The following DOT1L variants were observed in gnomAD, a reference collection of about 807,000 sequenced individuals.
The protein encoded by DOT1L is histone-lysine N-methyltransferase, H3 lysine-79 specific.
In DOT1L, 33 loss-of-function variants were observed where a neutral mutation model predicts 153.3. The ratio of observed to expected loss-of-function variants is 0.22; its 90% CI spans 0.16 to 0.29. The LOEUF (loss-of-function observed/expected upper bound fraction) is 0.29, where lower values mean the gene tolerates loss of function less well. DOT1L is among the 10% of genes least tolerant of loss of function. DOT1L has a pLI of 1.00. For missense variants in DOT1L, 1,847 were observed against 2,119.9 expected, an observed-to-expected ratio of 0.87 and a Z score of 2.53; for synonymous variants, 1,135 against 965.1, an observed-to-expected ratio of 1.18 and a Z score of -3.26.
chr19:2,231,848 G>T lies in DOT1L; in HGVS notation c.*2056G>T. On this transcript the variant is annotated 3_prime_UTR_variant, in exon 28 of 28. Transcript: ENST00000398665. ...CGGGTCCTGCAGATGGCCATGCAGG[G>T]CTCCTGCCCACGCAGGCCACCGTAT... 1 of 219,984 alleles carries T rather than the reference G, an allele frequency of 4.5e-6. No individual in the cohort carries two copies. The highest frequency in any genetic ancestry group is 2.2e-5 in the African/African-American group (1 of 44,664). The allele number at this position is 219,984 out of a possible 1,614,324, so 13.6% of individuals were successfully genotyped here.
chr19:2,194,624 C>T lies in DOT1L; in HGVS notation c.651+47C>T, dbSNP rs373829536. The T allele has an allele frequency of 6.6e-5, 104 of 1,580,960 alleles. No homozygotes were observed. The African/African-American group carries it at 8.1e-4, about 12-fold the overall frequency. ...CGGCTCCCATCGCCGGCCCCACCCC[C>T]GCTCCCACCCTCCTGTCAGCCCCTC... On this transcript the variant is annotated intron_variant, in intron 7 of 27. Coordinates refer to ENST00000398665, the MANE Select transcript of DOT1L (RefSeq NM_032482.3).
At chr19:2,167,751 T>C (rs1392138763) in intron 1 of DOT1L, among the ~76,000 whole-genome samples, 2 of 151,060 alleles carry the variant, frequency 1.3e-5, no homozygotes, top group African/African-American at 2.4e-5. Context: ...TTTTTTTTTT[T>C]TTGAGACAGA....
Position 2,193,458 on chromosome 19 carries a change from G to A in DOT1L, c.494-231G>A, listed in dbSNP as rs995682082. On this transcript the variant is annotated intron_variant, in intron 5 of 27. Coordinates refer to ENST00000398665, the MANE Select transcript of DOT1L (RefSeq NM_032482.3). The surrounding 1 kb of genome is among the most constrained non-coding windows in gnomAD (Gnocchi z 5.9). ...CTGGTTTCGGGGGCCACCAAGTGAT[G>A]TCCATGGATGACGCGTTGTGATGAC... is the stretch of plus-strand genomic sequence containing the variant. Among the ~76,000 whole-genome samples the A allele has an allele frequency of 6.6e-6, 1 of 152,204 alleles. No individual in the cohort carries two copies. Among genetic ancestry groups the A allele is most frequent in the Admixed American group, 6.5e-5 (1 of 15,282 alleles).
rs541778363 is a variant in DOT1L at position 2,213,173 on chromosome 19, C to G, written c.1558-366C>G. On this transcript the variant is annotated intron_variant, in intron 16 of 27. Coordinates refer to ENST00000398665, the MANE Select transcript of DOT1L (RefSeq NM_032482.3). ...TCCGGACACTGAGTGTTTGCTGTTACGCTGCAGAAGGCTTCCTTGCAGATC... is the reference window on the plus strand; with the variant it reads ...TCCGGACACTGAGTGTTTGCTGTTAGGCTGCAGAAGGCTTCCTTGCAGATC... 317 of 204,826 alleles carry G rather than the reference C, an allele frequency of 1.5e-3. 1 individual carries two copies. The highest frequency in any genetic ancestry group is 3.8e-3 in the Middle Eastern group (2 of 528). The allele number at this position is 204,826 out of a possible 1,614,324, so 12.7% of individuals were successfully genotyped here.
In DOT1L at chr19:2,190,919, C is replaced by T. The variant is rs757223925; in HGVS notation, c.265-93C>T. On this transcript the variant is annotated intron_variant, in intron 4 of 27. Coordinates refer to ENST00000398665, the MANE Select transcript of DOT1L (RefSeq NM_032482.3). The surrounding 1 kb of genome is among the most constrained non-coding windows in gnomAD (Gnocchi z 4.8). ...GGACGAGAGGCCATGCAGCCGACTCCCTGCTTCCGCTGGGAAAGGTCCCGG... is the reference window on the plus strand; with the variant it reads ...GGACGAGAGGCCATGCAGCCGACTCTCTGCTTCCGCTGGGAAAGGTCCCGG... 9 of 1,277,266 alleles carry T rather than the reference C, an allele frequency of 7.0e-6. No homozygotes were observed. Among genetic ancestry groups the T allele is most frequent in the East Asian group, 5.1e-5 (2 of 39,274 alleles). The allele number at this position is 1,277,266 out of a possible 1,614,324, so 79.1% of individuals were successfully genotyped here.
chr19:2,232,381 C>T lies in DOT1L; in HGVS notation c.*2589C>T, dbSNP rs1007291121. On this transcript the variant is annotated 3_prime_UTR_variant, in exon 28 of 28. Transcript: ENST00000398665. ...CTCGCCATCGTGGTCAGACCCCCCT[C>T]CCAACACAACACGCTGCTGGTCTGT... 4.7e-6 allele frequency: 1 copy of T among 214,004 alleles called. No homozygotes were observed. Among genetic ancestry groups the T allele is most frequent in the Non-Finnish European group, 9.4e-6 (1 of 106,288 alleles). The allele number at this position is 214,004 out of a possible 1,614,324, so 13.3% of individuals were successfully genotyped here.
At chr19:2,188,698 C>A (rs1009365969) in intron 3 of DOT1L, among the ~76,000 whole-genome samples, 1 of 152,222 alleles carries the variant, frequency 6.6e-6, no homozygotes, top group Non-Finnish European at 1.5e-5. Flanking sequence ...CCTCCTGTCT[C>A]TTGCTCTGCT....
chr19:2,217,533 C>T lies in DOT1L; in HGVS notation c.2545-239C>T, dbSNP rs1211897243. ...ACGGGTGACTGCCCACCGAGCCGGG[C>T]GGGCAGGCTGGAGGGGACAGATGGG... On this transcript the variant is annotated intron_variant, in intron 21 of 27. Coordinates refer to ENST00000398665, the MANE Select transcript of DOT1L (RefSeq NM_032482.3). The surrounding 1 kb of genome is among the most constrained non-coding windows in gnomAD (Gnocchi z 7.3). Among the ~76,000 whole-genome samples, 5 of 152,056 alleles carry T rather than the reference C, an allele frequency of 3.3e-5. No homozygotes were observed. The highest frequency in any genetic ancestry group is 7.2e-5 in the African/African-American group (3 of 41,406).
intron 7 of DOT1L, among the ~76,000 whole-genome samples, chr19:2,198,865 C>T (rs751418588): frequency 6.6e-6 from 1 of 152,200 alleles, no homozygotes; most frequent in African/African-American, 2.4e-5. Flanking sequence ...GGTGCATCCG[C>T]GATGTGGCCT....
At chr19:2,229,343 G>A (rs1193817460) in intron 27 of DOT1L, 19 of 985,340 alleles carry the variant, frequency 1.9e-5, no homozygotes, top group Non-Finnish European at 2.2e-5. Context: ...GGGGCCCCTG[G>A]GACACAGGCC....
intron 7 of DOT1L, among the ~76,000 whole-genome samples, chr19:2,196,919 G>A (rs1264378300): frequency 2.2e-4 from 33 of 152,170 alleles, no homozygotes; most frequent in Admixed American, 2.2e-3. Flanking sequence ...TGCAGCGTGC[G>A]CTTTTTCGTT....
At chr19:2,224,252 A>G (rs1054720315) in intron 25 of DOT1L, among the ~76,000 whole-genome samples, 11 of 152,044 alleles carry the variant, frequency 7.2e-5, no homozygotes, top group Non-Finnish European at 1.2e-4. Context: ...TGTGTTTGGG[A>G]GCAAGTTTCC....
chr19:2,225,568 C>T lies in DOT1L; in HGVS notation c.3661+116C>T, dbSNP rs532557684. On this transcript the variant is annotated intron_variant, in intron 26 of 27. Transcript: ENST00000398665. ...CATCGTGTCCCGCATGGTGCTGGCC[C>T]GCTGCGTCGTGTCCTGCGTGGTGCT... is the stretch of plus-strand genomic sequence containing the variant. The T allele has an allele frequency of 5.7e-4, 657 of 1,154,622 alleles. 10 individuals carry two copies. The South Asian group carries it at 7.6e-3, about 13-fold the overall frequency. 71.5% of individuals were successfully genotyped at this position (1,154,622 alleles called of 1,614,324 possible). A position where few individuals can be genotyped will look rare whatever the true frequency, so the allele number is the denominator to read the frequency against.
Position 2,220,526 on chromosome 19 carries a change from C to A in DOT1L, c.2806+304C>A, listed in dbSNP as rs771605827. On this transcript the variant is annotated intron_variant, in intron 23 of 27. Transcript: ENST00000398665. The surrounding 1 kb of genome is among the most constrained non-coding windows in gnomAD (Gnocchi z 4.5). ...GTGCTCTCGGGGGCTCCTGTACTCA[C>A]AGCTGGGAGGCCCCTGACTCAGGAT... 1 of 516,992 alleles carries A rather than the reference C, an allele frequency of 1.9e-6. No individual in the cohort carries two copies. The highest frequency in any genetic ancestry group is 1.5e-5 in the South Asian group (1 of 65,116). The allele number at this position is 516,992 out of a possible 1,614,324, so 32.0% of individuals were successfully genotyped here. A position where few individuals can be genotyped will look rare whatever the true frequency, so the allele number is the denominator to read the frequency against.
intron 2 of DOT1L, among the ~76,000 whole-genome samples, chr19:2,185,155 C>T (rs760617011): frequency 5.9e-5 from 9 of 152,286 alleles, no homozygotes; most frequent in African/African-American, 4.8e-5. Flanking sequence ...CTGCCCACCT[C>T]GGCCTCCCAG....
intron 1 of DOT1L, among the ~76,000 whole-genome samples, chr19:2,165,637 A>T (rs1408064512): frequency 1.3e-5 from 2 of 152,110 alleles, no homozygotes; most frequent in African/African-American, 4.8e-5. Context: ...TCCAGCCTCC[A>T]CTTCTCTCTG....
rs1397046287 is a variant in DOT1L, at chr19:2,164,281, C to A, written c.81+16C>A. ...GCCGGTCTACGTGAGTGCCGCCCTC[C>A]ACCGTCCCTACCTCCCGGCCTCCCC... On this transcript the variant is annotated intron_variant, in intron 1 of 27. Coordinates refer to ENST00000398665, the MANE Select transcript of DOT1L (RefSeq NM_032482.3). The A allele has an allele frequency of 1.6e-6, 2 of 1,257,272 alleles. No individual in the cohort carries two copies. Among genetic ancestry groups the A allele is most frequent in the East Asian group, 3.1e-5 (1 of 32,342 alleles). 77.9% of individuals were successfully genotyped at this position (1,257,272 alleles called of 1,614,324 possible). A position where few individuals can be genotyped will look rare whatever the true frequency, so the allele number is the denominator to read the frequency against.
chr19:2,213,720 C>T, intron 17 of DOT1L, 80 bp downstream of exon 17: 21 of 1,600,810 alleles, frequency 1.3e-5, no homozygotes, highest in Non-Finnish European at 1.6e-5. Flanking sequence ...GTATGGCTTC[C>T]TGTGGCTTCC....
chr19:2,206,223 T>G (rs1404673106), intron 9 of DOT1L, among the ~76,000 whole-genome samples: 1 of 151,870 alleles, frequency 6.6e-6, no homozygotes, highest in Non-Finnish European at 1.5e-5. Flanking sequence ...TGGCCTCGGG[T>G]GATCCACCTG....
Sources: gnomAD v4.1 joint callset for allele counts (sites outside exome capture counted in the v4.1 genomes callset) on GRCh38, gnomAD v4.1.1 for gene constraint, Gnocchi (gnomAD v3.1) non-coding constraint, MANE v1.5 for transcripts, NCBI Gene and HGNC (gene_info 2026-07-23, HGNC 2026-07-21) for gene names.